LRRC4C: variants seen among roughly 807,000 people sequenced by gnomAD.
LRRC4C encodes leucine rich repeat containing 4C.
Under a neutral mutation model 33.6 loss-of-function variants are expected in LRRC4C, and 5 were observed. That is an observed-to-expected ratio of 0.15 (90% CI 0.08 to 0.31). The LOEUF (loss-of-function observed/expected upper bound fraction) is 0.31. Ranked by LOEUF, LRRC4C falls within the 10% of genes least tolerant of loss-of-function variation. The pLI, the probability that LRRC4C is intolerant of heterozygous loss-of-function variation, is 1.00. For missense variants in LRRC4C, 560 were observed against 796.7 expected (o/e 0.70, Z 3.58); for synonymous variants, 329 against 302.0 (o/e 1.09, Z -0.93).
chr11:40,696,293 T>A (rs1330433347), intron 2 of LRRC4C, among the ~76,000 whole-genome samples: 1 of 144,488 alleles, frequency 6.9e-6, no homozygotes, highest in Non-Finnish European at 1.5e-5. Flanking sequence ...TATATATATA[T>A]ATATATGGTA....
chr11:40,388,008 G>A (rs542510434), intron 3 of LRRC4C, among the ~76,000 whole-genome samples: 4 of 151,998 alleles, frequency 2.6e-5, no homozygotes, highest in South Asian at 2.1e-4. Context: ...ATAGAAGCTC[G>A]TAAAAATATT....
At position 40,114,926 on chromosome 11, in the gene LRRC4C, G is replaced by A. The variant is rs1249861379; in HGVS notation, c.1367C>T (p.Thr456Ile). 1 of 1,614,094 alleles carries A rather than the reference G, an allele frequency of 6.2e-7. No homozygotes were observed. The highest frequency in any genetic ancestry group is 1.3e-5 in the African/African-American group (1 of 74,930). ...CGGTTCCATAGTCTCTACTGTGACG[G>A]TTGAAAAGTAAGAGAAAGGAGTAGT... The part of the protein sequence containing the change: ...ATTTPFSYFS[T>I]VTVETMEPSQ... The change falls in exon 7 of 7, where the codon ACC becomes ATC. Residue 456 changes from threonine to isoleucine, a missense_variant. This residue lies in a region of LRRC4C where 455 missense variants were observed against 643.8 expected (regional missense o/e 0.71). Coordinates refer to ENST00000528697, the MANE Select transcript of LRRC4C (RefSeq NM_001258419.2).
At chr11:40,214,543 G>T (rs1288822211) in intron 5 of LRRC4C, among the ~76,000 whole-genome samples, 1 of 152,080 alleles carries the variant, frequency 6.6e-6, no homozygotes, top group Non-Finnish European at 1.5e-5. Context: ...TTAGAGATAA[G>T]GAGTAATCAA....
At chr11:40,127,058 C>A (rs932574003) in intron 6 of LRRC4C, among the ~76,000 whole-genome samples, 1 of 151,978 alleles carries the variant, frequency 6.6e-6, no homozygotes, top group Non-Finnish European at 1.5e-5. Flanking sequence ...GTGGGCAGAT[C>A]ATGAGGTTAA....
At chr11:40,194,937 A>G (rs1862139477) in intron 5 of LRRC4C, among the ~76,000 whole-genome samples, 1 of 151,284 alleles carries the variant, frequency 6.6e-6, no homozygotes, top group Non-Finnish European at 1.5e-5. Flanking sequence ...AAAAAAAACA[A>G]ACAATTAGCC....
intron 1 of LRRC4C, among the ~76,000 whole-genome samples, chr11:41,132,457 G>A (rs747928843): frequency 2.0e-5 from 3 of 152,008 alleles, no homozygotes; most frequent in Non-Finnish European, 1.5e-5. Context: ...TATCCTAATT[G>A]AAGAAATATT....
intron 1 of LRRC4C, among the ~76,000 whole-genome samples, chr11:40,974,695 T>C (rs1307087177): frequency 2.0e-5 from 3 of 152,210 alleles, no homozygotes; most frequent in Admixed American, 6.5e-5. Context: ...CCAGGGAACA[T>C]TGCAAAGATT....
intron 5 of LRRC4C, among the ~76,000 whole-genome samples, chr11:40,174,518 G>A (rs751796890): frequency 9.2e-5 from 14 of 152,174 alleles, no homozygotes; most frequent in Non-Finnish European, 1.6e-4. Context: ...TGACTCTAAA[G>A]GCAGTATTGT....
At chr11:40,568,212 C>A (rs1270477798) in intron 3 of LRRC4C, among the ~76,000 whole-genome samples, 1 of 152,156 alleles carries the variant, frequency 6.6e-6, no homozygotes, top group East Asian at 1.9e-4. Flanking sequence ...CTGGGGGAAG[C>A]AAAGTGCCAT....
chr11:41,262,470 G>A (rs374644149), intron 1 of LRRC4C, among the ~76,000 whole-genome samples: 14 of 150,596 alleles, frequency 9.3e-5, no homozygotes, highest in East Asian at 2.0e-4. Context: ...ACGCTTCTAC[G>A]TACTGGAATG....
At chr11:41,088,288 G>A (rs1255353704) in intron 1 of LRRC4C, among the ~76,000 whole-genome samples, 1 of 152,004 alleles carries the variant, frequency 6.6e-6, no homozygotes, top group African/African-American at 2.4e-5. Context: ...TCAGACCTTG[G>A]CTTCTTCATC....
intron 1 of LRRC4C, among the ~76,000 whole-genome samples, chr11:40,978,213 G>C (rs1326853698): frequency 6.6e-6 from 1 of 152,088 alleles, no homozygotes; most frequent in Non-Finnish European, 1.5e-5. Flanking sequence ...TTTGTAATCA[G>C]AGTAATTTTT....
chr11:41,419,030 A>G (rs916832327), intron 1 of LRRC4C, among the ~76,000 whole-genome samples: 3 of 151,918 alleles, frequency 2.0e-5, no homozygotes, highest in Admixed American at 6.6e-5. Flanking sequence ...AGAAGATACA[A>G]AGTTGAACCA....
chr11:40,722,689 C>T (rs1947086171), intron 2 of LRRC4C, among the ~76,000 whole-genome samples: 1 of 152,136 alleles, frequency 6.6e-6, no homozygotes, highest in Non-Finnish European at 1.5e-5. Flanking sequence ...TCTAGAAATT[C>T]AAAAAGTCAG....
chr11:41,445,229 A>T (rs1263959546), intron 1 of LRRC4C, among the ~76,000 whole-genome samples: 1 of 152,216 alleles, frequency 6.6e-6, no homozygotes, highest in African/African-American at 2.4e-5. Flanking sequence ...GTTCCAGAAG[A>T]TTCTGCATAA....
chr11:41,361,378 C>T (rs1952350207), intron 1 of LRRC4C, among the ~76,000 whole-genome samples: 1 of 152,092 alleles, frequency 6.6e-6, no homozygotes, highest in African/African-American at 2.4e-5. Context: ...CTTTTCTGTG[C>T]CTGCATAAGC....
At chr11:40,223,218 C>G (rs771107061) in intron 5 of LRRC4C, among the ~76,000 whole-genome samples, 3 of 152,064 alleles carry the variant, frequency 2.0e-5, no homozygotes, top group Non-Finnish European at 4.4e-5. Context: ...AATAGCATCA[C>G]TTCTTATCAT....
chr11:40,484,093 G>C (rs1305830946), intron 3 of LRRC4C, among the ~76,000 whole-genome samples: 1 of 151,946 alleles, frequency 6.6e-6, no homozygotes, highest in African/African-American at 2.4e-5. Flanking sequence ...GAGAGAAAGG[G>C]CTATTCTCAT....
At chr11:41,331,432 A>G (rs1399676836) in intron 1 of LRRC4C, among the ~76,000 whole-genome samples, 1 of 152,200 alleles carries the variant, frequency 6.6e-6, no homozygotes, top group Admixed American at 6.5e-5. Flanking sequence ...TAGATTTCAT[A>G]GTTTTTAATG....
Sources: allele counts gnomAD v4.1 joint callset (sites outside exome capture counted in the v4.1 genomes callset), GRCh38; gene constraint gnomAD v4.1.1; regional missense constraint gnomAD v4.1.1; transcripts MANE v1.5; gene names NCBI Gene and HGNC (gene_info 2026-07-23, HGNC 2026-07-21).